Variants in C11orf65 observed in about 807,000 individuals in gnomAD.
C11orf65 encodes the protein protein MFI.
Under a neutral mutation model 35.3 loss-of-function variants are expected in C11orf65, and 38 were observed. The ratio of observed to expected loss-of-function variants is 1.08; its 90% CI spans 0.83 to 1.41. The LOEUF is 1.41. Among genes scored for constraint, C11orf65 ranks in the 40% most tolerant of loss-of-function variants. The pLI is 0.00. For missense variants in C11orf65, 370 were observed against 367.1 expected (o/e 1.01, Z -0.06); for synonymous variants, 105 against 114.4 (o/e 0.92, Z 0.53).
In C11orf65 at chr11:108,406,934, C is replaced by T; in HGVS notation, c.258G>A (p.Lys86=). ...CTTCAATAGGTCTGTGAGTAAAAAT[C>T]TTATAGTATATATCAGGTGGAAATT... ...GVKFPPDIYY[K]IFTHRPIEDL... Residue 86 remains lysine (K), a synonymous_variant, in exon 5 of 9, where the codon AAG becomes AAA. Coordinates refer to ENST00000393084, the MANE Select transcript of C11orf65 (RefSeq NM_152587.5). 1 of 1,611,970 alleles carries T rather than the reference C, an allele frequency of 6.2e-7. No homozygotes were observed. The highest frequency in any genetic ancestry group is 8.5e-7 in the Non-Finnish European group (1 of 1,178,372).
chr11:108,322,751 G>A (rs941360374), intron 6 of C11orf65, among the ~76,000 whole-genome samples: 1 of 152,044 alleles, frequency 6.6e-6, no homozygotes, highest in African/African-American at 2.4e-5. Context: ...GCTTAAAAGT[G>A]CTTTTCTCTT....
At chr11:108,424,938 A>G (rs890194068) in intron 3 of C11orf65, among the ~76,000 whole-genome samples, 7 of 152,230 alleles carry the variant, frequency 4.6e-5, no homozygotes, top group Non-Finnish European at 7.3e-5. Flanking sequence ...GCAGAAATAA[A>G]TAAGTTATTT....
chr11:108,438,187 T>C (rs1166072841), intron 2 of C11orf65, among the ~76,000 whole-genome samples: 1 of 152,138 alleles, frequency 6.6e-6, no homozygotes, highest in East Asian at 1.9e-4. Context: ...CCGTGACAAT[T>C]ATATACCCAC....
At chr11:108,330,107 G>A, downstream of C11orf65, 2 of 1,262,744 alleles carry the variant, frequency 1.6e-6, no homozygotes, top group Non-Finnish European at 2.2e-6. Flanking sequence ...TTTTTTCCCT[G>A]GGATAAAAAC....
intron 2 of C11orf65, among the ~76,000 whole-genome samples, chr11:108,449,368 C>T (rs1015348975): frequency 6.6e-6 from 1 of 151,958 alleles, no homozygotes; most frequent in African/African-American, 2.4e-5. Flanking sequence ...AGGCATCACA[C>T]TACCTGACTT....
chr11:108,382,208 GATA>G (rs1221430495), downstream of C11orf65, among the ~76,000 whole-genome samples: 6 of 152,180 alleles, frequency 3.9e-5, no homozygotes, highest in Non-Finnish European at 5.9e-5. Flanking sequence ...AACTGAATGA[GATA>G]ATAACTGTTG....
intron 2 of C11orf65, among the ~76,000 whole-genome samples, chr11:108,374,967 C>A (rs2091683260): frequency 6.6e-6 from 1 of 152,108 alleles, no homozygotes; most frequent in Non-Finnish European, 1.5e-5. Flanking sequence ...AACAAAGCCT[C>A]CAAGAAATAT....
At chr11:108,364,454 G>A (rs1011635657) in intron 2 of C11orf65, among the ~76,000 whole-genome samples, 1 of 152,066 alleles carries the variant, frequency 6.6e-6, no homozygotes, top group Non-Finnish European at 1.5e-5. Flanking sequence ...AGTTGTTTTG[G>A]TATCCTAATT....
chr11:108,311,700 A>G (rs2084176956), intron 6 of C11orf65, among the ~76,000 whole-genome samples: 1 of 151,890 alleles, frequency 6.6e-6, no homozygotes, highest in Non-Finnish European at 1.5e-5. Context: ...CCTATCTCAT[A>G]AACAAAAAAA....
chr11:108,421,510 T>A (rs2138893668), intron 3 of C11orf65, among the ~76,000 whole-genome samples: 1 of 152,080 alleles, frequency 6.6e-6, no homozygotes, highest in East Asian at 1.9e-4. Flanking sequence ...ACAAAAAAAA[T>A]TAGCTGGGCT....
chr11:108,444,938 C>A (rs930008561), intron 2 of C11orf65, among the ~76,000 whole-genome samples: 1 of 152,302 alleles, frequency 6.6e-6, no homozygotes, highest in East Asian at 1.9e-4. Flanking sequence ...GCTTAAAAAA[C>A]GGCACACCAG....
At chr11:108,384,360 T>C (rs577290864) in intron 8 of C11orf65, among the ~76,000 whole-genome samples, 17 of 152,274 alleles carry the variant, frequency 1.1e-4, no homozygotes, top group African/African-American at 3.4e-4. Context: ...CATTATGAGA[T>C]AGGCACTATT....
rs771607956 is a variant in C11orf65, at chr11:108,332,794, T to C, written c.300-1227A>G. ...CAGAGGCTGCAAATAGAATAATATG[T>C]ACTATCAGAAGTAGGAGACCTCAGA... On this transcript the variant is annotated intron_variant, in intron 3 of 3. Transcript: ENST00000524755. The C allele has an allele frequency of 1.9e-6, 3 of 1,613,376 alleles. No individual in the cohort carries two copies. The Admixed American group carries it at 5.0e-5, about 27-fold the overall frequency.
chr11:108,435,517 A>G (rs2093048321), intron 2 of C11orf65, among the ~76,000 whole-genome samples: 1 of 152,172 alleles, frequency 6.6e-6, no homozygotes, highest in African/African-American at 2.4e-5. Flanking sequence ...AACAGGCAGA[A>G]TTGTTAAAGG....
At chr11:108,335,791 GT>G (rs2086772081) in intron 2 of C11orf65, 1 of 1,450,692 alleles carries the variant, frequency 6.9e-7, no homozygotes, top group African/African-American at 1.4e-5. Flanking sequence ...ATGACTCTGT[GT>G]TTTTATAATA....
chr11:108,392,019 G>A (rs2092173715), intron 7 of C11orf65, among the ~76,000 whole-genome samples: 1 of 151,948 alleles, frequency 6.6e-6, no homozygotes, highest in African/African-American at 2.4e-5. Flanking sequence ...CTCCAAAAAT[G>A]CTGGGATTAC....
At chr11:108,334,290 G>GGAA (rs1240068607) in intron 3 of C11orf65, among the ~76,000 whole-genome samples, 1 of 152,108 alleles carries the variant, frequency 6.6e-6, no homozygotes, top group African/African-American at 2.4e-5. Flanking sequence ...GGCAAGGAAG[G>GGAA]TTCCAATTGT....
chr11:108,419,872 C>G (rs963141813), intron 3 of C11orf65, among the ~76,000 whole-genome samples: 3 of 152,156 alleles, frequency 2.0e-5, no homozygotes, highest in African/African-American at 7.2e-5. Context: ...GTGGTTATCA[C>G]TTCTATTCAC....
intron 2 of C11orf65, chr11:108,365,048 T>C (rs530540893): frequency 6.2e-6 from 10 of 1,609,672 alleles, no homozygotes; most frequent in East Asian, 2.2e-5. Context: ...AAAATGTACA[T>C]TGTTCTTTTA....
Sources: allele counts gnomAD v4.1 joint callset (sites outside exome capture counted in the v4.1 genomes callset), GRCh38; gene constraint gnomAD v4.1.1; transcripts MANE v1.5; gene names NCBI Gene and HGNC (gene_info 2026-07-23, HGNC 2026-07-21).